SYNE1: variants seen among roughly 807,000 people sequenced by gnomAD.
SYNE1 encodes the protein nesprin-1.
Under a neutral mutation model 1,111.0 loss-of-function variants are expected in SYNE1, and 616 were observed. That is an observed-to-expected ratio of 0.55 (90% CI 0.52 to 0.59). The LOEUF is 0.59. SYNE1 is among the 20% of genes least tolerant of loss of function. SYNE1 has a pLI of 0.00. For missense variants in SYNE1, 10,006 were observed against 10,417.0 expected (o/e 0.96, Z 1.72); for synonymous variants, 3,855 against 3,825.8 (o/e 1.01, Z -0.28).
chr6:152,203,089 G>A (rs2075838089), intron 126 of SYNE1, among the ~76,000 whole-genome samples: 1 of 152,128 alleles, frequency 6.6e-6, no homozygotes. Context: ...CTATTGTGTG[G>A]TTATGTTTTG....
chr6:152,228,354 G>C (rs1328760089), intron 115 of SYNE1, among the ~76,000 whole-genome samples: 1 of 152,078 alleles, frequency 6.6e-6, no homozygotes, highest in African/African-American at 2.4e-5. Flanking sequence ...TCCTGACACT[G>C]TCTGACCTGG....
At chr6:152,176,243 A>T in intron 130 of SYNE1, 151 bp downstream of exon 130, 10 of 1,045,622 alleles carry the variant, frequency 9.6e-6, no homozygotes, top group Non-Finnish European at 1.5e-5. Flanking sequence ...CTAAAGTGCC[A>T]CTTATGAGAG....
chr6:152,589,891 T>C (rs1198158386), intron 3 of SYNE1, among the ~76,000 whole-genome samples: 1 of 151,550 alleles, frequency 6.6e-6, no homozygotes. Flanking sequence ...CATACTTCAC[T>C]CAGCAGAGGA....
chr6:152,348,195 A>G (rs947799352), intron 72 of SYNE1, among the ~76,000 whole-genome samples: 5 of 152,136 alleles, frequency 3.3e-5, no homozygotes, highest in African/African-American at 1.2e-4. Context: ...TATAAGCCTG[A>G]CGAATGTGTA....
At chr6:152,322,052 A>G (rs1397429205) in intron 82 of SYNE1, among the ~76,000 whole-genome samples, 166 bp from the exon 83 acceptor site, 2 of 152,236 alleles carry the variant, frequency 1.3e-5, no homozygotes, top group African/African-American at 4.8e-5. Flanking sequence ...TCATGTATAA[A>G]TGTCATATAA....
At chr6:152,497,161 C>T (rs910538372) in intron 11 of SYNE1, among the ~76,000 whole-genome samples, 5 of 152,272 alleles carry the variant, frequency 3.3e-5, no homozygotes, top group Admixed American at 2.6e-4. Context: ...CACATGGACA[C>T]GTTTGACACT....
At chr6:152,168,145 T>C (rs1277026496) in intron 130 of SYNE1, 3 of 779,070 alleles carry the variant, frequency 3.9e-6, no homozygotes, top group Non-Finnish European at 7.2e-6. Flanking sequence ...CTGGGAGATC[T>C]GCATCCACAC....
At chr6:152,588,458 T>G (rs949892730) in intron 3 of SYNE1, among the ~76,000 whole-genome samples, 1 of 152,236 alleles carries the variant, frequency 6.6e-6, no homozygotes, top group Non-Finnish European at 1.5e-5. Context: ...ATTTTTTCTG[T>G]GTGTGCTTTT....
At position 152,214,984 on chromosome 6, in the gene SYNE1, T is replaced by C. The variant is rs934317278; in HGVS notation, c.22268A>G (p.Asn7423Ser). 12 of 1,614,188 alleles carry C rather than the reference T, an allele frequency of 7.4e-6. No individual in the cohort carries two copies. Among genetic ancestry groups the C allele is most frequent in the Non-Finnish European group, 1.0e-5 (12 of 1,180,006 alleles). ...LNELGYRLPLNDKEIKRMQNL... is the reference protein window; with the variant it reads ...LNELGYRLPLSDKEIKRMQNL... ...CTGCATTCTTTTGATTTCCTTATCA[T>C]TCAAGGGTAACCTATATCCAAGCTC... Residue 7423 changes from asparagine (N) to serine (S), a missense_variant, in exon 122 of 146, where the codon AAT becomes AGT. This residue lies in a region of SYNE1 where 2,182 missense variants were observed against 2,287.8 expected (regional missense o/e 0.95). Transcript: ENST00000367255.
intron 95 of SYNE1, among the ~76,000 whole-genome samples, chr6:152,288,295 C>T (rs2094434205): frequency 6.6e-6 from 1 of 152,154 alleles, no homozygotes; most frequent in African/African-American, 2.4e-5. Context: ...TCTGTCTCCT[C>T]AAAGTCCTTG....
At chr6:152,581,435 A>G (rs1178862304) in intron 3 of SYNE1, among the ~76,000 whole-genome samples, 2 of 152,192 alleles carry the variant, frequency 1.3e-5, no homozygotes, top group African/African-American at 2.4e-5. Context: ...AGAAATATTT[A>G]CTAAGTAGCC....
intron 38 of SYNE1, 177 bp downstream of exon 38, chr6:152,427,516 T>C (rs1250149182): frequency 1.3e-5 from 9 of 708,460 alleles, no homozygotes; most frequent in Middle Eastern, 3.9e-4. Flanking sequence ...TTTCTCTCCC[T>C]TTCAGGTCAT....
chr6:152,251,123 G>A (rs557558173), intron 104 of SYNE1, among the ~76,000 whole-genome samples: 222 of 151,998 alleles, frequency 1.5e-3, no homozygotes, highest in African/African-American at 5.2e-3. Flanking sequence ...CTAATTTTTT[G>A]TATTTTTAGT....
intron 95 of SYNE1, among the ~76,000 whole-genome samples, 159 bp downstream of exon 95, chr6:152,293,429 G>A (rs2153781708): frequency 6.6e-6 from 1 of 152,162 alleles, no homozygotes; most frequent in Non-Finnish European, 1.5e-5. Flanking sequence ...TAGTAGAAAT[G>A]ACCACCATTA....
intron 54 of SYNE1, among the ~76,000 whole-genome samples, chr6:152,386,451 G>C (rs1279906412): frequency 2.0e-5 from 3 of 151,998 alleles, no homozygotes; most frequent in Non-Finnish European, 4.4e-5. Flanking sequence ...ATGTCAAGAA[G>C]AAAAGAGTCA....
chr6:152,367,199 T>C lies in SYNE1; in HGVS notation c.9972+19A>G, dbSNP rs77322999. ...ACAAATTCTGTAGGTTGGAGATATT[T>C]CTGTGTAAAGATGCACACCTCGAGC... On this transcript the variant is annotated intron_variant, in intron 62 of 145. Coordinates refer to ENST00000367255, the MANE Select transcript of SYNE1 (RefSeq NM_182961.4). The C allele has an allele frequency of 1.1e-3, 1,840 of 1,614,162 alleles. 15 individuals carry two copies. In the African/African-American group the frequency reaches 0.022, roughly 19 times the overall value.
At chr6:152,465,192 C>T (rs1036094935) in intron 18 of SYNE1, 66 bp downstream of exon 18, 52 of 1,533,150 alleles carry the variant, frequency 3.4e-5, no homozygotes, top group East Asian at 2.2e-4. Context: ...TAGTGAGCTA[C>T]GCTGTAAAAG....
rs1030142408 is a variant in SYNE1 at position 152,244,453 on chromosome 6, A to C, written c.19692+84T>G. ...CTAAGTGGCGTGAATTTTATAAAGA[A>C]AGCCAAGAAAAATAAAGTGATTTTT... On this transcript the variant is annotated intron_variant, in intron 106 of 145. Coordinates refer to ENST00000367255, the MANE Select transcript of SYNE1 (RefSeq NM_182961.4). The C allele has an allele frequency of 5.6e-6, 9 of 1,606,310 alleles. No individual in the cohort carries two copies. The South Asian group carries it at 8.8e-5, about 16-fold the overall frequency.
intron 89 of SYNE1, 28 bp downstream of exon 89, chr6:152,310,368 C>T (rs1562962433): frequency 6.2e-7 from 1 of 1,613,738 alleles, no homozygotes; most frequent in Non-Finnish European, 8.5e-7. Flanking sequence ...GTCCCTGTCC[C>T]TATTTACTCC....
Sources: allele counts gnomAD v4.1 joint callset (sites outside exome capture counted in the v4.1 genomes callset), GRCh38; gene constraint gnomAD v4.1.1; regional missense constraint gnomAD v4.1.1; transcripts MANE v1.5; gene names NCBI Gene and HGNC (gene_info 2026-07-23, HGNC 2026-07-21).